Variants in IGSF10 observed in about 807,000 individuals in gnomAD.
IGSF10 encodes calvaria mechanical force protein 608.
In IGSF10, 126 loss-of-function variants were observed where a neutral mutation model predicts 128.2. The ratio of observed to expected loss-of-function variants is 0.98; its 90% CI spans 0.85 to 1.14. The LOEUF is 1.14. Ranked by LOEUF, IGSF10 falls within the 50% of genes most tolerant of loss-of-function variation. The pLI is 0.00. For synonymous variants in IGSF10, 1,185 were observed against 1,146.2 expected (o/e 1.03, Z -0.68); for missense variants, 3,295 against 3,149.8 (o/e 1.05, Z -1.10).
rs1315093710 is a variant in IGSF10 at position 151,437,304 on chromosome 3, A to G, written c.7257T>C (p.Tyr2419=). The part of the protein sequence containing the change: ...YRCAARNKVG[Y]IEKLVILEIG... The stretch of plus-strand genomic sequence containing the variant: ...TTTCTAATATGACTAATTTCTCAAT[A>G]TAGCCAACTTTATTCCTAGCTGCAC... The change falls in exon 8 of 8, where the codon TAT becomes TAC. Residue 2419 remains tyrosine, a synonymous_variant. Coordinates refer to ENST00000282466, the MANE Select transcript of IGSF10 (RefSeq NM_178822.5). The G allele has an allele frequency of 5.0e-6, 8 of 1,614,192 alleles. No homozygotes were observed. In the East Asian group the frequency reaches 1.6e-4, roughly 31 times the overall value.
the IGSF10 span, among the ~76,000 whole-genome samples, chr3:151,515,148 G>A: frequency 2.8e-4 from 42 of 151,990 alleles, no homozygotes; most frequent in African/African-American, 9.2e-4. Flanking sequence ...AAATCATGCT[G>A]CTATAAAGAC....
chr3:151,602,210 T>A, the IGSF10 span, among the ~76,000 whole-genome samples: 1 of 152,192 alleles, frequency 6.6e-6, no homozygotes, highest in Non-Finnish European at 1.5e-5. Flanking sequence ...GTTTTCTTCA[T>A]AATAGAGCAT....
chr3:151,594,323 A>G, the IGSF10 span, among the ~76,000 whole-genome samples: 1 of 151,586 alleles, frequency 6.6e-6, no homozygotes, highest in Non-Finnish European at 1.5e-5. Context: ...GTAACTGAAT[A>G]AAAACTGCTT....
chr3:151,435,034 CCT>C (rs999336205), downstream of IGSF10: 2 of 149,858 alleles, frequency 1.3e-5, no homozygotes, highest in Admixed American at 6.6e-5. Context: ...AGATTTTCTC[CCT>C]GTTAATTCTG....
At chr3:151,595,771 G>C in the IGSF10 span, among the ~76,000 whole-genome samples, 1 of 149,510 alleles carries the variant, frequency 6.7e-6, no homozygotes, top group Non-Finnish European at 1.5e-5. Flanking sequence ...AGAATAGAAA[G>C]GTGGTTACTA....
chr3:151,434,954 T>C (rs1375107240), downstream of IGSF10: 4 of 152,104 alleles, frequency 2.6e-5, no homozygotes, highest in African/African-American at 9.7e-5. Context: ...CACGATTCTA[T>C]TGAAAGTTGA....
chr3:151,445,349 A>T lies in IGSF10; in HGVS notation c.4632T>A (p.Ser1544=). The T allele has an allele frequency of 6.2e-7, 1 of 1,614,218 alleles. No individual in the cohort carries two copies. The highest frequency in any genetic ancestry group is 8.5e-7 in the Non-Finnish European group (1 of 1,180,024). Residue 1544 remains serine, a synonymous_variant, in exon 6 of 8, where the codon TCT becomes TCA. Coordinates refer to ENST00000282466, the MANE Select transcript of IGSF10 (RefSeq NM_178822.5). Reference sequence around the variant, plus strand: ...GCATGGGAGTAGAATGTAACAGATTAGAGTAGATGAAGTGAGTGGTTCCAA... The same window carrying T: ...GCATGGGAGTAGAATGTAACAGATTTGAGTAGATGAAGTGAGTGGTTCCAA... ...FTIGTTHFIY[S]NLLHSTPMPA...
chr3:151,463,802 A>G (rs1220213342), upstream of IGSF10, among the ~76,000 whole-genome samples: 2 of 152,092 alleles, frequency 1.3e-5, no homozygotes, highest in East Asian at 1.9e-4. Flanking sequence ...CCTGGTCAAC[A>G]TGGTGAAACC....
the IGSF10 span, among the ~76,000 whole-genome samples, chr3:151,605,212 T>C: frequency 6.6e-6 from 1 of 152,186 alleles, no homozygotes; most frequent in Non-Finnish European, 1.5e-5. Flanking sequence ...TTTCAGCTCA[T>C]CACATGCATG....
the IGSF10 span, among the ~76,000 whole-genome samples, chr3:151,612,885 A>T: frequency 2.6e-5 from 4 of 152,218 alleles, no homozygotes; most frequent in Admixed American, 2.6e-4. Context: ...AGAAATGCAA[A>T]TCAAAACAAC....
At chr3:151,503,899 G>A in the IGSF10 span, among the ~76,000 whole-genome samples, 9 of 152,060 alleles carry the variant, frequency 5.9e-5, no homozygotes, top group Admixed American at 2.0e-4. Context: ...GGATGGGATC[G>A]CAGAACTGGT....
chr3:151,476,822 A>C, the IGSF10 span, among the ~76,000 whole-genome samples: 1 of 152,238 alleles, frequency 6.6e-6, no homozygotes, highest in Non-Finnish European at 1.5e-5. Context: ...TTCTAAGAGC[A>C]AGTGGAGAGT....
At chr3:151,527,277 T>C in the IGSF10 span, among the ~76,000 whole-genome samples, 2 of 152,172 alleles carry the variant, frequency 1.3e-5, no homozygotes, top group Non-Finnish European at 2.9e-5. Context: ...CTGGATTCAC[T>C]CTTTTTTTTG....
the IGSF10 span, among the ~76,000 whole-genome samples, chr3:151,482,045 G>A: frequency 1.3e-5 from 2 of 152,086 alleles, no homozygotes; most frequent in Non-Finnish European, 2.9e-5. Context: ...GCAGATAAAA[G>A]TAATTCCCTA....
chr3:151,588,387 G>T, the IGSF10 span, among the ~76,000 whole-genome samples: 5 of 152,082 alleles, frequency 3.3e-5, no homozygotes, highest in East Asian at 9.6e-4. Context: ...CCCTCTAGCT[G>T]ATTGTCTGCC....
chr3:151,563,937 G>A, the IGSF10 span, among the ~76,000 whole-genome samples: 3 of 152,168 alleles, frequency 2.0e-5, no homozygotes, highest in Admixed American at 2.0e-4. Context: ...GCACAGACAG[G>A]TTGGGGAAGC....
At chr3:151,457,460 T>A (rs932089169) in intron 3 of IGSF10, among the ~76,000 whole-genome samples, 1 of 152,174 alleles carries the variant, frequency 6.6e-6, no homozygotes, top group Non-Finnish European at 1.5e-5. Flanking sequence ...ACCTCACCTT[T>A]TTCTATTTGT....
chr3:151,470,942 C>G, the IGSF10 span, among the ~76,000 whole-genome samples: 5 of 152,198 alleles, frequency 3.3e-5, no homozygotes, highest in Admixed American at 3.3e-4. Flanking sequence ...ACACTGTAAT[C>G]TACTTAACCC....
chr3:151,515,143 A>T, the IGSF10 span, among the ~76,000 whole-genome samples: 1 of 152,158 alleles, frequency 6.6e-6, no homozygotes, highest in Admixed American at 6.5e-5. Flanking sequence ...ATTATAAATC[A>T]TGCTGCTATA....
Sources: allele counts gnomAD v4.1 joint callset (sites outside exome capture counted in the v4.1 genomes callset), GRCh38; gene constraint gnomAD v4.1.1; transcripts MANE v1.5; gene names NCBI Gene and HGNC (gene_info 2026-07-23, HGNC 2026-07-21).